The following MITF variants were observed in gnomAD, a reference collection of about 807,000 sequenced individuals.
MITF encodes the protein melanocyte inducing transcription factor, also known as microphthalmia-associated transcription factor.
A neutral mutation model predicts 60.5 loss-of-function variants in MITF; 17 were observed. That is an observed-to-expected ratio of 0.28 (90% CI 0.19 to 0.42). The LOEUF (loss-of-function observed/expected upper bound fraction) is 0.42. Ranked by LOEUF, MITF falls within the 10% of genes least tolerant of loss-of-function variation. The probability of loss-of-function intolerance (pLI) is 1.00; values close to 1 mark genes in which losing one functional copy is unlikely to be tolerated. For synonymous variants in MITF, 260 were observed against 248.5 expected, an observed-to-expected ratio of 1.05 and a Z score of -0.43; for missense variants, 622 against 683.5, an observed-to-expected ratio of 0.91 and a Z score of 1.00.
intron 2 of MITF, among the ~76,000 whole-genome samples, chr3:69,923,532 A>T (rs1464901545): frequency 1.3e-5 from 2 of 152,126 alleles, no homozygotes; most frequent in African/African-American, 4.8e-5. Flanking sequence ...TTTAGTAGAG[A>T]TGGGGTTTCA....
At chr3:69,840,878 T>C (rs1269421166) in intron 1 of MITF, among the ~76,000 whole-genome samples, 2 of 151,876 alleles carry the variant, frequency 1.3e-5, no homozygotes, top group African/African-American at 4.8e-5. Context: ...GCCTCACCCT[T>C]CCGAGTAACT....
intron 1 of MITF, among the ~76,000 whole-genome samples, chr3:69,756,021 C>T (rs1316503988): frequency 6.6e-6 from 1 of 152,192 alleles, no homozygotes; most frequent in Non-Finnish European, 1.5e-5. Flanking sequence ...TTGACTCTCT[C>T]ATTGCCTTAT....
intron 1 of MITF, chr3:69,763,554 C>T (rs1380566558): frequency 8.7e-7 from 1 of 1,145,708 alleles, no homozygotes; most frequent in African/African-American, 1.6e-5. Flanking sequence ...CACTCTATCT[C>T]TAATTTAGCC....
chr3:69,897,916 A>G (rs2064912028), intron 2 of MITF, among the ~76,000 whole-genome samples: 2 of 152,234 alleles, frequency 1.3e-5, no homozygotes, highest in African/African-American at 2.4e-5. Flanking sequence ...ACTGATTCTT[A>G]CAAAGATGTT....
intron 1 of MITF, among the ~76,000 whole-genome samples, chr3:69,770,627 G>A (rs2062378935): frequency 2.0e-5 from 3 of 152,180 alleles, no homozygotes. Context: ...CTGTGCAAAA[G>A]CAACTGCATA....
Position 69,775,846 on chromosome 3 carries a change from T to C in MITF, c.104+36145T>C, listed in dbSNP as rs1046963924. ...GTGTAAAAAAGAAAAGCAGGAACAG[T>C]GGACTTTCTTTATTTCTAAAACTAA... On this transcript the variant is annotated intron_variant, in intron 1 of 9. Coordinates refer to ENST00000352241, the MANE Select transcript of MITF (RefSeq NM_001354604.2). Among the ~76,000 whole-genome samples the C allele has an allele frequency of 5.9e-5, 9 of 152,330 alleles. No individual in the cohort carries two copies. The East Asian group carries it at 1.2e-3, about 20-fold the overall frequency.
Position 69,959,315 on chromosome 3 carries a change from G to C in MITF, c.1074G>C (p.Val358=), listed in dbSNP as rs1334096226. The change falls in exon 9 of 10, where the codon GTG becomes GTC. Residue 358 remains valine (V), a synonymous_variant. Coordinates refer to ENST00000352241, the MANE Select transcript of MITF (RefSeq NM_001354604.2). ...WNKGTILKAS[V]DYIRKLQREQ... ...AGGGAACCATCTTAAAAGCATCCGTGGACTATATCCGAAAGTTGCAACGAG... is the reference window on the plus strand; with the variant it reads ...AGGGAACCATCTTAAAAGCATCCGTCGACTATATCCGAAAGTTGCAACGAG... The C allele has an allele frequency of 6.2e-7, 1 of 1,613,996 alleles. No individual in the cohort carries two copies. The highest frequency in any genetic ancestry group is 8.5e-7 in the Non-Finnish European group (1 of 1,180,008).
At chr3:69,748,228 A>C (rs1178815537) in intron 1 of MITF, among the ~76,000 whole-genome samples, 1 of 152,092 alleles carries the variant, frequency 6.6e-6, no homozygotes, top group East Asian at 1.9e-4. Context: ...GTACCCACAG[A>C]GTGATAATTT....
At chr3:69,763,615 A>G in intron 1 of MITF, 2 of 1,216,360 alleles carry the variant, frequency 1.6e-6, no homozygotes, top group Non-Finnish European at 2.1e-6. Flanking sequence ...AACGTCTGCA[A>G]TCGCATCTTT....
intron 1 of MITF, among the ~76,000 whole-genome samples, chr3:69,758,463 G>C (rs192861121): frequency 7.2e-5 from 11 of 152,198 alleles, no homozygotes; most frequent in Admixed American, 1.3e-4. Context: ...GAGCCTCTGT[G>C]CCCAGCCTGG....
intron 1 of MITF, among the ~76,000 whole-genome samples, chr3:69,860,994 G>A (rs1231949870): frequency 2.0e-5 from 3 of 152,104 alleles, no homozygotes; most frequent in Non-Finnish European, 4.4e-5. Context: ...CTGCAAGTAG[G>A]TAGTCATTAA....
intron 1 of MITF, among the ~76,000 whole-genome samples, chr3:69,809,017 T>C (rs187035700): frequency 1.3e-5 from 2 of 152,014 alleles, no homozygotes; most frequent in Admixed American, 1.3e-4. Context: ...GTAGTAACAG[T>C]GGGGTGGAGC....
At chr3:69,929,771 G>A (rs1027194280) in intron 2 of MITF, among the ~76,000 whole-genome samples, 1 of 152,076 alleles carries the variant, frequency 6.6e-6, no homozygotes, top group Non-Finnish European at 1.5e-5. Flanking sequence ...GCAGGTAGAA[G>A]AGTCAGGAAG....
chr3:69,895,086 C>A (rs1026745862), intron 2 of MITF, among the ~76,000 whole-genome samples: 3 of 152,248 alleles, frequency 2.0e-5, no homozygotes, highest in African/African-American at 7.2e-5. Context: ...GAATTATCTC[C>A]TTTTTCCTGG....
At chr3:69,815,277 C>T (rs527945707) in intron 1 of MITF, among the ~76,000 whole-genome samples, 6 of 152,104 alleles carry the variant, frequency 3.9e-5, no homozygotes, top group Admixed American at 1.3e-4. Context: ...CCAAGTTAAC[C>T]GTTTCCTGCT....
chr3:69,944,135 A>T (rs2066036319), intron 5 of MITF, among the ~76,000 whole-genome samples: 1 of 152,106 alleles, frequency 6.6e-6, no homozygotes, highest in South Asian at 2.1e-4. Context: ...ATGAATCCTC[A>T]TACCTCTTCA....
chr3:69,940,079 G>T (rs2065934561), intron 4 of MITF, among the ~76,000 whole-genome samples: 1 of 152,118 alleles, frequency 6.6e-6, no homozygotes, highest in Admixed American at 6.5e-5. Context: ...CTATGTTCCT[G>T]GTACTTTGAA....
intron 6 of MITF, among the ~76,000 whole-genome samples, chr3:69,950,527 C>T (rs978148379): frequency 7.0e-4 from 101 of 144,478 alleles, no homozygotes; most frequent in African/African-American, 2.3e-3. Flanking sequence ...TGCATATATA[C>T]ATGGATGTAT....
At chr3:69,782,534 G>A (rs1248596178) in intron 1 of MITF, among the ~76,000 whole-genome samples, 1 of 152,176 alleles carries the variant, frequency 6.6e-6, no homozygotes, top group African/African-American at 2.4e-5. Context: ...AAGTCACAAA[G>A]CTAATTAAGT....
Sources: allele counts gnomAD v4.1 joint callset (sites outside exome capture counted in the v4.1 genomes callset), GRCh38; gene constraint gnomAD v4.1.1; transcripts MANE v1.5; gene names NCBI Gene and HGNC (gene_info 2026-07-23, HGNC 2026-07-21).